The following RYR1 variants were observed in gnomAD, a reference collection of about 807,000 sequenced individuals.
RYR1 encodes central core disease of muscle.
RYR1 carries 342 observed loss-of-function variants against 583.5 expected under a neutral mutation model. That is an observed-to-expected ratio of 0.59 (90% CI 0.54 to 0.64). RYR1 has a LOEUF of 0.64. Ranked by LOEUF, RYR1 falls within the 30% of genes least tolerant of loss-of-function variation. The pLI, the probability that RYR1 is intolerant of heterozygous loss-of-function variation, is 0.00. For synonymous variants in RYR1, 2,791 were observed against 2,822.5 expected (o/e 0.99, Z 0.35); for missense variants, 6,032 against 6,917.2 (o/e 0.87, Z 4.54).
Position 38,442,360 on chromosome 19 carries a change from C to A in RYR1, c.177C>A (p.Pro59=). The A allele has an allele frequency of 6.2e-7, 1 of 1,612,984 alleles. No homozygotes were observed. Among genetic ancestry groups the A allele is most frequent in the Non-Finnish European group, 8.5e-7 (1 of 1,179,266 alleles). Residue 59 remains proline (P), a synonymous_variant, in exon 3 of 106, where the codon CCC becomes CCA. Coordinates refer to ENST00000359596, the MANE Select transcript of RYR1 (RefSeq NM_000540.3). ...EPTSNAQNVP[P]DLAICCFVLE... is the part of the protein sequence containing the mutation. ...CCCTCCCACCCCAGAATGTGCCCCC[C>A]GATCTGGCCATCTGTTGCTTCGTCC...
chr19:38,461,446 C>G (rs1967738090), intron 20 of RYR1, among the ~76,000 whole-genome samples: 1 of 151,800 alleles, frequency 6.6e-6, no homozygotes. Flanking sequence ...TCACCACTGC[C>G]CCACAAAGAA....
At position 38,469,065 on chromosome 19, in the gene RYR1, T is replaced by C; in HGVS notation, c.3481T>C (p.Phe1161Leu). 6.2e-7 allele frequency: 1 copy of C among 1,614,132 alleles called. No individual in the cohort carries two copies. The highest frequency in any genetic ancestry group is 1.1e-5 in the South Asian group (1 of 91,076). The part of the protein sequence containing the change: ...MIDLTENTII[F>L]TLNGEVLMSD... ...CGACCTCACAGAGAACACCATTATC[T>C]TCACCCTCAATGGCGAGGTCCTCAT... Residue 1161 changes from phenylalanine to leucine, a missense_variant, in exon 26 of 106, where the codon TTC becomes CTC. Around this residue, in one of 11 missense-constraint regions of RYR1, gnomAD observed 2,627 missense variants for 2,961.3 expected, o/e 0.89. Coordinates refer to ENST00000359596, the MANE Select transcript of RYR1 (RefSeq NM_000540.3).
Position 38,496,065 on chromosome 19 carries a change from C to A in RYR1, c.6549-150C>A. On this transcript the variant is annotated intron_variant, in intron 39 of 105. Coordinates refer to ENST00000359596, the MANE Select transcript of RYR1 (RefSeq NM_000540.3). This position sits in a 1 kb window ranked among gnomAD's most constrained non-coding sequence, Gnocchi z 4.8. ...CGCATGAGCCACCGCACCCGGCCAG[C>A]TGTAGGAATTGAGTGAGTTCAGATC... The A allele has an allele frequency of 2.7e-6, 2 of 730,016 alleles. No homozygotes were observed. Among genetic ancestry groups the A allele is most frequent in the Admixed American group, 4.0e-5 (2 of 49,420 alleles). 45.2% of individuals were successfully genotyped at this position (730,016 alleles called of 1,614,324 possible).
At position 38,576,724 on chromosome 19, in the gene RYR1, C is replaced by T. The variant is rs981399407; in HGVS notation, c.14172+763C>T. ...CTGAGGCAGGAGAATCACTTGAACC[C>T]GGGCGGCAGAGGCTGCAGTGAGCCG... On this transcript the variant is annotated intron_variant, in intron 97 of 105. Transcript: ENST00000359596. Among the ~76,000 whole-genome samples the T allele has an allele frequency of 5.4e-4, 82 of 151,510 alleles. 1 individual carries two copies. Among genetic ancestry groups the T allele is most frequent in the Non-Finnish European group, 8.8e-5 (6 of 67,854 alleles).
chr19:38,460,190 T>C (rs181180391), intron 19 of RYR1, among the ~76,000 whole-genome samples, 185 bp from the exon 20 acceptor site: 2 of 152,270 alleles, frequency 1.3e-5, no homozygotes, highest in Non-Finnish European at 2.9e-5. Context: ...CCTTATGATA[T>C]TCCTTTGACT....
intron 102 of RYR1, among the ~76,000 whole-genome samples, chr19:38,585,538 A>G (rs1053547069): frequency 1.3e-5 from 2 of 151,042 alleles, no homozygotes; most frequent in African/African-American, 4.9e-5. Flanking sequence ...CAGTGGTGCA[A>G]TCTTGGCTCA....
rs2145638522 is a variant in RYR1 at position 38,506,909 on chromosome 19, G to A, written c.8773G>A (p.Glu2925Lys). ...EKARDREKAQ[E>K]LLKFLQMNGY... ...GGCACGAGATCGAGAGAAGGCCCAG[G>A]AGCTACTGAAATTCCTGCAGATGAA... The change falls in exon 57 of 106, where the codon GAG becomes AAG. Residue 2925 changes from glutamate to lysine, a missense_variant. This residue lies in a region of RYR1 where 1,493 missense variants were observed against 1,715.5 expected (regional missense o/e 0.87). Transcript: ENST00000359596. 6.2e-7 allele frequency: 1 copy of A among 1,613,266 alleles called. No individual in the cohort carries two copies.
In RYR1 at chr19:38,527,972, T is replaced by C; in HGVS notation, c.10824+188T>C. The C allele has an allele frequency of 1.2e-5, 6 of 509,894 alleles. 1 individual carries two copies. Among genetic ancestry groups the C allele is most frequent in the South Asian group, 6.0e-5 (3 of 49,770 alleles). 31.6% of individuals were successfully genotyped at this position (509,894 alleles called of 1,614,324 possible). A position where few individuals can be genotyped will look rare whatever the true frequency, so the allele number is the denominator to read the frequency against. Reference sequence around the variant, plus strand: ...GAGGGGTCTGCTGCTTAATCTTGCATCTGGGGGCGGGACAGGGAAGGGGCA... The same window carrying C: ...GAGGGGTCTGCTGCTTAATCTTGCACCTGGGGGCGGGACAGGGAAGGGGCA... On this transcript the variant is annotated intron_variant, in intron 73 of 105. Coordinates refer to ENST00000359596, the MANE Select transcript of RYR1 (RefSeq NM_000540.3).
chr19:38,560,237 C>T (rs917504460), intron 89 of RYR1, among the ~76,000 whole-genome samples: 1 of 152,088 alleles, frequency 6.6e-6, no homozygotes, highest in African/African-American at 2.4e-5. Flanking sequence ...GTGGCATGCA[C>T]CTGTAGTCCT....
In RYR1 at chr19:38,499,034, G is replaced by T; in HGVS notation, c.6892-74G>T. 1 of 1,590,596 alleles carries T rather than the reference G, an allele frequency of 6.3e-7. No homozygotes were observed. The highest frequency in any genetic ancestry group is 1.1e-5 in the South Asian group (1 of 88,296). On this transcript the variant is annotated intron_variant, in intron 42 of 105. Coordinates refer to ENST00000359596, the MANE Select transcript of RYR1 (RefSeq NM_000540.3). The surrounding 1 kb of genome is among the most constrained non-coding windows in gnomAD (Gnocchi z 7.3). The stretch of plus-strand genomic sequence containing the variant: ...CTGAGGAGCCGCAGGGCAGGGCAGG[G>T]CAGGGCAGAGGGCTGAGCCCCAGGA...
chr19:38,512,235 G>A lies in RYR1; in HGVS notation c.9234-10G>A. ...ATTCCAGAGCTGATGTTCCCCCGCT[G>A]CCCTTCTAGGACAGTGATGAAGTCA... On this transcript the variant is annotated splice_polypyrimidine_tract_variant and intron_variant, in intron 62 of 105. Coordinates refer to ENST00000359596, the MANE Select transcript of RYR1 (RefSeq NM_000540.3). The surrounding 1 kb of genome is among the most constrained non-coding windows in gnomAD (Gnocchi z 5.1). 1.9e-6 allele frequency: 3 copies of A among 1,614,196 alleles called. No individual in the cohort carries two copies. The highest frequency in any genetic ancestry group is 2.5e-6 in the Non-Finnish European group (3 of 1,180,024).
At chr19:38,460,015 C>G (rs1043517991) in intron 19 of RYR1, among the ~76,000 whole-genome samples, 1 of 152,156 alleles carries the variant, frequency 6.6e-6, no homozygotes. Flanking sequence ...TGCTCAGTGA[C>G]TTCTCAAATG....
chr19:38,561,226 G>A lies in RYR1; in HGVS notation c.12396G>A (p.Gln4132=). ...GCGAAGAGTTCGCCAACCGCTTCCA[G>A]GAGCCAGCACGCGACATCGGCTTCA... ...INCEEFANRF[Q]EPARDIGFNV... is the part of the protein sequence containing the mutation. The change falls in exon 90 of 106, where the codon CAG becomes CAA. Residue 4132 remains glutamine (Q), a synonymous_variant. Transcript: ENST00000359596. This position sits in a 1 kb window ranked among gnomAD's most constrained non-coding sequence, Gnocchi z 4.8. 6.2e-7 allele frequency: 1 copy of A among 1,614,164 alleles called. No homozygotes were observed. The highest frequency in any genetic ancestry group is 1.1e-5 in the South Asian group (1 of 91,082).
At chr19:38,533,498 A>G (rs1971830990) in intron 78 of RYR1, among the ~76,000 whole-genome samples, 1 of 152,190 alleles carries the variant, frequency 6.6e-6, no homozygotes, top group South Asian at 2.1e-4. Flanking sequence ...TAATCTATCA[A>G]ATAAGATCTA....
In RYR1 at chr19:38,452,958, G is replaced by A. The variant is rs199592055; in HGVS notation, c.1384G>A (p.Glu462Lys). The A allele has an allele frequency of 6.8e-6, 11 of 1,613,892 alleles. No individual in the cohort carries two copies. The South Asian group carries it at 1.1e-4, about 16-fold the overall frequency. The change falls in exon 13 of 106, where the codon GAG (glutamate) becomes AAG (lysine). Residue 462 changes from glutamate to lysine, a missense_variant. By Grantham distance (56) the Glu-to-Lys change is moderately conservative. Transcript: ENST00000359596. The stretch of plus-strand genomic sequence containing the variant: ...TCCCTCCGAGGACTTGCAGCACGAG[G>A]AGAAGCAGAGCAAGCTGCGAAGCCT... ...EPPSEDLQHE[E>K]KQSKLRSLRN...
intron 76 of RYR1, among the ~76,000 whole-genome samples, chr19:38,531,420 A>G (rs1330333274): frequency 6.6e-6 from 1 of 151,948 alleles, no homozygotes; most frequent in Non-Finnish European, 1.5e-5. Context: ...GTTTGTTAAT[A>G]TATACAAGGC....
At chr19:38,458,028 C>T (rs763069264) in intron 17 of RYR1, 23 bp from the exon 18 acceptor site, 4 of 1,612,210 alleles carry the variant, frequency 2.5e-6, no homozygotes, top group Non-Finnish European at 3.4e-6. Flanking sequence ...TCATCCCCCT[C>T]TCCTGTCCCA....
chr19:38,534,005 A>ATTTT (rs71165556), intron 78 of RYR1, among the ~76,000 whole-genome samples: 3 of 127,436 alleles, frequency 2.4e-5, no homozygotes, highest in Admixed American at 8.8e-5. Context: ...ACCATCTGTA[A>ATTTT]TTTTTTTTTT....
intron 17 of RYR1, 146 bp from the exon 18 acceptor site, chr19:38,457,905 T>G (rs1967502209): frequency 1.1e-6 from 1 of 888,472 alleles, no homozygotes; most frequent in African/African-American, 1.6e-5. Context: ...GTTTCTGTCT[T>G]GATTCTTCCT....
Sources: gnomAD v4.1 joint callset for allele counts (sites outside exome capture counted in the v4.1 genomes callset) on GRCh38, gnomAD v4.1.1 for gene constraint, gnomAD v4.1.1 regional missense constraint, Gnocchi (gnomAD v3.1) non-coding constraint, MANE v1.5 for transcripts, NCBI Gene and HGNC (gene_info 2026-07-23, HGNC 2026-07-21) for gene names.